The following ATG7 variants were observed in gnomAD, a reference collection of about 807,000 sequenced individuals.
ATG7 encodes the protein ubiquitin-like modifier-activating enzyme ATG7.
ATG7 carries 70 observed loss-of-function variants against 82.4 expected under a neutral mutation model. That is an observed-to-expected ratio of 0.85 (90% CI 0.70 to 1.04). The LOEUF (loss-of-function observed/expected upper bound fraction) is 1.04. Among genes scored for constraint, ATG7 ranks in the 50% least tolerant of loss-of-function variants. The pLI is 0.00. For synonymous variants in ATG7, 287 were observed against 313.0 expected (o/e 0.92, Z 0.88); for missense variants, 792 against 864.3 (o/e 0.92, Z 1.05).
At chr3:11,554,724 C>G in intron 20 of ATG7, 87 bp from the exon 21 acceptor site, 2 of 1,516,494 alleles carry the variant, frequency 1.3e-6, no homozygotes, top group Non-Finnish European at 1.8e-6. Context: ...GTGGGAGCTG[C>G]CATGACTGCT....
chr3:11,279,004 C>T (rs1189854193), intron 1 of ATG7, among the ~76,000 whole-genome samples: 2 of 152,134 alleles, frequency 1.3e-5, no homozygotes, highest in African/African-American at 2.4e-5. Context: ...TATGCAGAGG[C>T]CATGGGGTGT....
At chr3:11,573,247 GAAAGAA>G in the ATG7 span, among the ~76,000 whole-genome samples, 29 of 47,794 alleles carry the variant, frequency 6.1e-4, 2 homozygotes, top group East Asian at 4.9e-3. Context: ...AAGAAATAGA[GAAAGAA>G]AGAAAGAAAG....
intron 19 of ATG7, among the ~76,000 whole-genome samples, chr3:11,381,414 G>T (rs532749146): frequency 2.6e-5 from 4 of 152,154 alleles, no homozygotes; most frequent in Non-Finnish European, 4.4e-5. Flanking sequence ...CTTTATGTTG[G>T]TCTGGCTAGT....
At chr3:11,558,322 C>T (rs553540722), downstream of ATG7, 188 of 673,222 alleles carry the variant, frequency 2.8e-4, no homozygotes, top group African/African-American at 3.1e-3. Context: ...AAGGATGCTA[C>T]ATTAGACAGA....
At chr3:11,381,041 C>T (rs1214373127) in intron 19 of ATG7, among the ~76,000 whole-genome samples, 4 of 152,166 alleles carry the variant, frequency 2.6e-5, no homozygotes, top group Non-Finnish European at 4.4e-5. Flanking sequence ...AATTTGGTTA[C>T]GTTTAGATGC....
chr3:11,429,004 G>GTCCACC (rs2082612399), intron 20 of ATG7, among the ~76,000 whole-genome samples: 1 of 152,156 alleles, frequency 6.6e-6, no homozygotes, highest in African/African-American at 2.4e-5. Flanking sequence ...AGGGAGCATG[G>GTCCACC]TTTCATCCAC....
chr3:11,485,659 G>GT (rs1178518285), intron 20 of ATG7, among the ~76,000 whole-genome samples: 1 of 152,136 alleles, frequency 6.6e-6, no homozygotes, highest in Non-Finnish European at 1.5e-5. Flanking sequence ...TTCTTCTAGG[G>GT]TTTTTATGGT....
At chr3:11,512,172 C>A (rs772018983) in intron 20 of ATG7, among the ~76,000 whole-genome samples, 2 of 152,202 alleles carry the variant, frequency 1.3e-5, no homozygotes, top group Non-Finnish European at 2.9e-5. Flanking sequence ...CTTCACCCAC[C>A]CAGTGACCTT....
intron 5 of ATG7, among the ~76,000 whole-genome samples, chr3:11,306,243 G>A (rs1464955681): frequency 6.6e-6 from 1 of 152,222 alleles, no homozygotes; most frequent in Non-Finnish European, 1.5e-5. Flanking sequence ...CAGCAGTTTT[G>A]TGCAGAGCCC....
At chr3:11,440,675 T>A (rs112899922) in intron 20 of ATG7, among the ~76,000 whole-genome samples, 33 of 21,066 alleles carry the variant, frequency 1.6e-3, no homozygotes, top group African/African-American at 7.0e-3. Context: ...CCCCATTTGC[T>A]TTTTTTTTTT....
intron 13 of ATG7, among the ~76,000 whole-genome samples, chr3:11,346,365 T>C (rs1352961107): frequency 1.3e-5 from 2 of 152,204 alleles, no homozygotes; most frequent in Non-Finnish European, 2.9e-5. Context: ...TTGCTGGAAA[T>C]AGGTCATAGG....
chr3:11,353,803 C>T (rs1241718663), intron 14 of ATG7, among the ~76,000 whole-genome samples: 1 of 152,210 alleles, frequency 6.6e-6, no homozygotes, highest in Non-Finnish European at 1.5e-5. Context: ...CTGTACTTCT[C>T]ATACAACCTG....
intron 20 of ATG7, among the ~76,000 whole-genome samples, chr3:11,467,515 A>G (rs2086956559): frequency 6.6e-6 from 1 of 152,136 alleles, no homozygotes; most frequent in Non-Finnish European, 1.5e-5. Context: ...TAGCTGGATT[A>G]TAGGCATCCA....
chr3:11,411,519 C>T (rs1259590221), intron 19 of ATG7, among the ~76,000 whole-genome samples: 1 of 147,324 alleles, frequency 6.8e-6, no homozygotes, highest in Non-Finnish European at 1.5e-5. Flanking sequence ...ACTCAGGAGC[C>T]TGAGGCAGGA....
At position 11,313,456 on chromosome 3, in the gene ATG7, G is replaced by A. The variant is rs553156697; in HGVS notation, c.528+36G>A. 7 of 1,476,740 alleles carry A rather than the reference G, an allele frequency of 4.7e-6. No individual in the cohort carries two copies. The South Asian group carries it at 7.1e-5, about 15-fold the overall frequency. The allele number at this position is 1,476,740 out of a possible 1,614,324, so 91.5% of individuals were successfully genotyped here. A position where few individuals can be genotyped will look rare whatever the true frequency, so the allele number is the denominator to read the frequency against. On this transcript the variant is annotated intron_variant, in intron 8 of 20. Coordinates refer to ENST00000693202, the MANE Select transcript of ATG7 (RefSeq NM_001349232.2). ...ATAACCAAAATGCACATAAAATTGG[G>A]TTGAATGTGCAAGAGTAGTTATGTA...
intron 18 of ATG7, among the ~76,000 whole-genome samples, chr3:11,369,836 C>T (rs1320141635): frequency 6.6e-6 from 1 of 151,042 alleles, no homozygotes; most frequent in Non-Finnish European, 1.5e-5. Context: ...ATGAGGCTGT[C>T]CTGTTTAGGA....
rs1553642273 is a variant in ATG7 at position 11,396,793 on chromosome 3, A to AAAAAAG, written c.1956+16745_1956+16746insAGAAAA. 2.3e-3 allele frequency among the ~76,000 whole-genome samples: 330 copies of AAAAAAG among 143,620 alleles called. 1 individual carries two copies. Among genetic ancestry groups the AAAAAAG allele is most frequent in the South Asian group, 3.3e-3 (15 of 4,596 alleles). The allele number at this position is 143,620 out of a possible 152,430, so 94.2% of individuals were successfully genotyped here. On this transcript the variant is annotated intron_variant, in intron 19 of 20. Transcript: ENST00000693202. ...CAAGACTCTGTCTCCAAAAAAAAAA[A>AAAAAAG]AAAAGAAAAGAAAAGAAAAGTATTA...
intron 20 of ATG7, 57 bp from the exon 21 acceptor site, chr3:11,554,754 G>T: frequency 6.2e-7 from 1 of 1,601,358 alleles, no homozygotes. Context: ...AAGCATCTGT[G>T]TGCCCCCCAC....
chr3:11,510,705 T>A (rs1458511943), intron 20 of ATG7, among the ~76,000 whole-genome samples: 1 of 152,174 alleles, frequency 6.6e-6, no homozygotes, highest in Admixed American at 6.5e-5. Flanking sequence ...GAAACAAAAA[T>A]GGATTCTGTT....
Sources: allele counts gnomAD v4.1 joint callset (sites outside exome capture counted in the v4.1 genomes callset), GRCh38; gene constraint gnomAD v4.1.1; transcripts MANE v1.5; gene names NCBI Gene and HGNC (gene_info 2026-07-23, HGNC 2026-07-21).